CERS3: variants seen among roughly 807,000 people sequenced by gnomAD.
CERS3 encodes LAG1 homolog, ceramide synthase 3.
In CERS3, 33 loss-of-function variants were observed where a neutral mutation model predicts 50.3. The observed-to-expected ratio is 0.66, with a 90% confidence interval of 0.50 to 0.88. The LOEUF (loss-of-function observed/expected upper bound fraction) is 0.88, where lower values mean the gene tolerates loss of function less well. Ranked by LOEUF, CERS3 falls within the 40% of genes least tolerant of loss-of-function variation. The pLI, the probability that CERS3 is intolerant of heterozygous loss-of-function variation, is 0.00. For missense variants in CERS3, 470 were observed against 460.3 expected, an observed-to-expected ratio of 1.02 and a Z score of -0.19; for synonymous variants, 176 against 155.2, an observed-to-expected ratio of 1.13 and a Z score of -0.99.
intron 4 of CERS3, among the ~76,000 whole-genome samples, chr15:100,486,082 C>T (rs1217115305): frequency 2.0e-5 from 3 of 152,074 alleles, no homozygotes; most frequent in African/African-American, 7.2e-5. Flanking sequence ...ACGTGCAGAC[C>T]CAGGATTTTG....
chr15:100,459,871 A>G (rs952918402), intron 10 of CERS3, among the ~76,000 whole-genome samples: 2 of 152,000 alleles, frequency 1.3e-5, no homozygotes. Flanking sequence ...TTATACATCT[A>G]TTTATATCTC....
chr15:100,447,777 T>C (rs2033997914), intron 11 of CERS3, among the ~76,000 whole-genome samples: 1 of 152,232 alleles, frequency 6.6e-6, no homozygotes, highest in Non-Finnish European at 1.5e-5. Context: ...CTGTATGCTA[T>C]AGTTAGTTGC....
intron 2 of CERS3, among the ~76,000 whole-genome samples, chr15:100,506,461 A>ACC (rs376107005): frequency 0.052 from 1,591 of 30,428 alleles, 66 homozygotes; most frequent in Admixed American, 0.19. Context: ...AGAAATCGGG[A>ACC]CCCCCCCGCC....
chr15:100,519,126 T>C (rs1323666704), intron 2 of CERS3, among the ~76,000 whole-genome samples: 1 of 150,756 alleles, frequency 6.6e-6, no homozygotes, highest in Admixed American at 6.6e-5. Context: ...GTCACTGTAC[T>C]CCAGCCTGGG....
chr15:100,479,348 G>A, intron 7 of CERS3, 80 bp downstream of exon 7: 2 of 1,071,716 alleles, frequency 1.9e-6, no homozygotes, highest in Non-Finnish European at 2.8e-6. Context: ...GAGTAGCAGG[G>A]GACCAAGACG....
chr15:100,429,976 A>G (rs2033030631), intron 11 of CERS3, among the ~76,000 whole-genome samples: 1 of 151,768 alleles, frequency 6.6e-6, no homozygotes, highest in Non-Finnish European at 1.5e-5. Flanking sequence ...CTTATACATA[A>G]TTCACTTGGG....
intron 10 of CERS3, among the ~76,000 whole-genome samples, chr15:100,461,320 G>T (rs1393707677): frequency 6.6e-6 from 1 of 152,070 alleles, no homozygotes; most frequent in Non-Finnish European, 1.5e-5. Flanking sequence ...AAACTGTATA[G>T]CCCTCAGAAT....
At chr15:100,444,931 C>A (rs1191820047) in intron 11 of CERS3, among the ~76,000 whole-genome samples, 1 of 152,174 alleles carries the variant, frequency 6.6e-6, no homozygotes, top group East Asian at 1.9e-4. Flanking sequence ...TTCATCAAAT[C>A]AGCCAAGCGT....
At chr15:100,480,802 TAC>T (rs1401563958) in intron 5 of CERS3, among the ~76,000 whole-genome samples, 1 of 152,226 alleles carries the variant, frequency 6.6e-6, no homozygotes, top group Non-Finnish European at 1.5e-5. Flanking sequence ...CTAAAATACT[TAC>T]AAATGAAATA....
At chr15:100,425,524 T>C (rs2032757327) in intron 11 of CERS3, among the ~76,000 whole-genome samples, 1 of 152,226 alleles carries the variant, frequency 6.6e-6, no homozygotes, top group African/African-American at 2.4e-5. Context: ...TAGCCCACTT[T>C]GTTTTGGCTG....
At chr15:100,532,505 C>T (rs576028845), upstream of CERS3, among the ~76,000 whole-genome samples, 1 of 152,270 alleles carries the variant, frequency 6.6e-6, no homozygotes, top group African/African-American at 2.4e-5. Flanking sequence ...ATGGCTCATG[C>T]CTGTAATCCC....
chr15:100,472,281 C>T (rs1369700783), intron 9 of CERS3, among the ~76,000 whole-genome samples: 1 of 152,136 alleles, frequency 6.6e-6, no homozygotes, highest in African/African-American at 2.4e-5. Flanking sequence ...TCCATCACTG[C>T]CTGGGGTCAA....
chr15:100,503,896 G>A (rs2036086148), intron 2 of CERS3: 1 of 371,686 alleles, frequency 2.7e-6, no homozygotes, highest in Non-Finnish European at 5.4e-6. Context: ...CCAGAGAGAA[G>A]TGAGATTGAT....
At chr15:100,431,591 T>C (rs2033136041) in intron 11 of CERS3, among the ~76,000 whole-genome samples, 1 of 152,196 alleles carries the variant, frequency 6.6e-6, no homozygotes, top group African/African-American at 2.4e-5. Context: ...CTCCGCTTTT[T>C]AAAAAATAGA....
At chr15:100,450,715 CAAAT>C (rs1471856090) in intron 11 of CERS3, among the ~76,000 whole-genome samples, 1 of 152,120 alleles carries the variant, frequency 6.6e-6, no homozygotes, top group Non-Finnish European at 1.5e-5. Context: ...CAGAGATTCA[CAAAT>C]AGACATGATT....
At chr15:100,515,870 T>C (rs2142371456) in intron 2 of CERS3, among the ~76,000 whole-genome samples, 1 of 152,302 alleles carries the variant, frequency 6.6e-6, no homozygotes, top group South Asian at 2.1e-4. Context: ...TCCTTTCCAA[T>C]TGCTGATAAA....
At chr15:100,402,951 G>T in intron 11 of CERS3, 86 bp from the exon 12 acceptor site, 3 of 1,365,636 alleles carry the variant, frequency 2.2e-6, no homozygotes, top group Non-Finnish European at 3.0e-6. Flanking sequence ...TTCAAGTATG[G>T]CTCCCTTTAA....
intron 7 of CERS3, 91 bp from the exon 8 acceptor site, chr15:100,476,269 A>G (rs2035124198): frequency 4.7e-6 from 3 of 637,908 alleles, no homozygotes; most frequent in Admixed American, 3.5e-5. Flanking sequence ...ACCTATTTAT[A>G]TCCCACCAGA....
In CERS3 at chr15:100,490,911, G is replaced by A. The variant is rs775669527; in HGVS notation, c.194C>T (p.Ala65Val). 1 of 1,597,768 alleles carries A rather than the reference G, an allele frequency of 6.3e-7. No individual in the cohort carries two copies. Among genetic ancestry groups the A allele is most frequent in the African/African-American group, 1.4e-5 (1 of 74,004 alleles). Residue 65 changes from alanine (A) to valine (V), a missense_variant, in exon 4 of 12, where the codon GCA (alanine) becomes GTA (valine). Coordinates refer to ENST00000679737, the MANE Select transcript of CERS3 (RefSeq NM_001378789.1). Reference sequence around the variant, plus strand: ...TGTCTCTTTAATGCCAAATGATTTTGCTAGAGGTGAAGCAACAAATCTACA... The same window carrying A: ...TGTCTCTTTAATGCCAAATGATTTTACTAGAGGTGAAGCAACAAATCTACA... Reference protein sequence around the residue: ...VFEKFVASPLAKSFGIKETVR... With the variant: ...VFEKFVASPLVKSFGIKETVR...
Sources: allele counts gnomAD v4.1 joint callset (sites outside exome capture counted in the v4.1 genomes callset), GRCh38; gene constraint gnomAD v4.1.1; transcripts MANE v1.5; gene names NCBI Gene and HGNC (gene_info 2026-07-23, HGNC 2026-07-21).